GANC: variants seen among roughly 807,000 people sequenced by gnomAD.
The protein encoded by GANC is glucosidase alpha, neutral C.
Under a neutral mutation model 124.2 loss-of-function variants are expected in GANC, and 117 were observed. That is an observed-to-expected ratio of 0.94 (90% CI 0.81 to 1.10). GANC has a LOEUF of 1.10. GANC is among the 50% of genes least tolerant of loss of function. GANC has a pLI of 0.00. For synonymous variants in GANC, 377 were observed against 376.8 expected (o/e 1.00, Z -0.01); for missense variants, 1,140 against 1,095.0 (o/e 1.04, Z -0.58).
At chr15:42,282,312 ACT>A (rs200654136) in intron 3 of GANC, among the ~76,000 whole-genome samples, 2,406 of 152,138 alleles carry the variant, frequency 0.016, 37 homozygotes, top group Middle Eastern at 0.027. Context: ...ACACAGTGAG[ACT>A]CTGTCTCAAA....
chr15:42,330,732 A>G, intron 15 of GANC, 60 bp downstream of exon 15: 3 of 963,228 alleles, frequency 3.1e-6, no homozygotes, highest in East Asian at 2.8e-5. Context: ...TTAACCATTT[A>G]TAGAATGTGA....
chr15:42,301,903 G>A (rs1274490248), intron 6 of GANC, among the ~76,000 whole-genome samples: 3 of 152,220 alleles, frequency 2.0e-5, no homozygotes, highest in Non-Finnish European at 4.4e-5. Context: ...GCACCTGGGG[G>A]AAGGGACAAC....
chr15:42,325,494 C>T, intron 11 of GANC, among the ~76,000 whole-genome samples: 1 of 152,148 alleles, frequency 6.6e-6, no homozygotes, highest in East Asian at 1.9e-4. Context: ...TTTCTCAAAT[C>T]TCCTTCCTAA....
At chr15:42,309,322 A>ATT (rs765692224) in intron 8 of GANC, among the ~76,000 whole-genome samples, 203 of 142,980 alleles carry the variant, frequency 1.4e-3, no homozygotes, top group African/African-American at 5.0e-3. Flanking sequence ...GTTGGACACA[A>ATT]TTTTTTTTTT....
At chr15:42,343,478 A>G (rs2052342419) in intron 19 of GANC, 1 of 253,016 alleles carries the variant, frequency 4.0e-6, no homozygotes, top group Non-Finnish European at 7.7e-6. Context: ...TGAGGTATCA[A>G]ACTCTGGGGG....
intron 15 of GANC, among the ~76,000 whole-genome samples, chr15:42,331,644 T>G (rs2141066074): frequency 6.6e-6 from 1 of 152,238 alleles, no homozygotes; most frequent in African/African-American, 2.4e-5. Flanking sequence ...TATTACAATC[T>G]CAGGCAAAGA....
chr15:42,300,791 G>C (rs2051937803), intron 6 of GANC, among the ~76,000 whole-genome samples: 1 of 152,150 alleles, frequency 6.6e-6, no homozygotes. Flanking sequence ...GGCTGAGGCA[G>C]GTGGATCACC....
rs60220273 is a variant in GANC, at chr15:42,295,639, G to GACACAC, written c.513-1928_513-1923dup. Among the ~76,000 whole-genome samples, 545 of 137,702 alleles carry GACACAC rather than the reference G, an allele frequency of 4.0e-3. 5 individuals carry two copies. Among genetic ancestry groups the GACACAC allele is most frequent in the African/African-American group, 0.012 (445 of 35,952 alleles). 90.3% of individuals were successfully genotyped at this position (137,702 alleles called of 152,430 possible). ...CAAGAAGAAAAAAAGCTTTATTATA[G>GACACAC]ACACACACACACACACACACACACA... On this transcript the variant is annotated intron_variant, in intron 5 of 23. Transcript: ENST00000318010.
At chr15:42,346,771 A>G (rs2141081362) in intron 20 of GANC, among the ~76,000 whole-genome samples, 1 of 152,282 alleles carries the variant, frequency 6.6e-6, no homozygotes, top group South Asian at 2.1e-4. Context: ...TGCATCAGTT[A>G]TGATGTTAAA....
rs113137220 is a variant in GANC at position 42,322,122 on chromosome 15, A to T, written c.1293+102A>T. On this transcript the variant is annotated intron_variant, in intron 11 of 23. Coordinates refer to ENST00000318010, the MANE Select transcript of GANC (RefSeq NM_198141.3). ...GTGGTGGAGAAACATCTGATAAAAA[A>T]TGGCTGTGAAAATAGTAGATTCAAA... is the stretch of plus-strand genomic sequence containing the variant. 2.6e-4 allele frequency: 235 copies of T among 909,616 alleles called. 3 individuals are homozygous for T. The African/African-American group carries it at 3.2e-3, about 12-fold the overall frequency. 56.3% of individuals were successfully genotyped at this position (909,616 alleles called of 1,614,324 possible). A position where few individuals can be genotyped will look rare whatever the true frequency, so the allele number is the denominator to read the frequency against.
At chr15:42,313,247 A>AAAC (rs1338814005) in intron 10 of GANC, among the ~76,000 whole-genome samples, 4 of 20,680 alleles carry the variant, frequency 1.9e-4, no homozygotes, top group African/African-American at 2.2e-4. Flanking sequence ...ATACAAAAAA[A>AAAC]TAAAATGGTT....
At chr15:42,323,746 G>T (rs775666776) in intron 11 of GANC, among the ~76,000 whole-genome samples, 12 of 152,054 alleles carry the variant, frequency 7.9e-5, no homozygotes, top group Non-Finnish European at 1.5e-4. Context: ...CAGGTGATCC[G>T]CCCACCTGAG....
intron 8 of GANC, among the ~76,000 whole-genome samples, chr15:42,309,977 C>T (rs1434425115): frequency 6.6e-6 from 1 of 152,072 alleles, no homozygotes; most frequent in Non-Finnish European, 1.5e-5. Context: ...CAAGATCGCA[C>T]CACTGCACTC....
rs2277533 is a variant in GANC at position 42,273,390 on chromosome 15, C to A, written c.-1092C>A. On this transcript the variant is annotated 5_prime_UTR_variant, in exon 1 of 24. Transcript: ENST00000318010. ...CAGGCAACACCTGAAGCCACGCAGC[C>A]GCCGCCATCTTCACAGCCGTGGAGT... The A allele has an allele frequency of 0.14, 229,281 of 1,613,876 alleles. 18,358 individuals carry two copies. The highest frequency in any genetic ancestry group is 0.29 in the East Asian group (13,129 of 44,854).
chr15:42,342,364 T>C (rs2052334142), intron 18 of GANC, among the ~76,000 whole-genome samples: 1 of 152,092 alleles, frequency 6.6e-6, no homozygotes, highest in East Asian at 1.9e-4. Flanking sequence ...ATGAGATCGC[T>C]TAAATTGAGG....
chr15:42,339,780 G>A lies in GANC; in HGVS notation c.1955G>A (p.Arg652Gln), dbSNP rs188658053. 179 of 1,614,086 alleles carry A rather than the reference G, an allele frequency of 1.1e-4. No homozygotes were observed. In the East Asian group the frequency reaches 1.2e-3, roughly 11 times the overall value. ...FRGHATMNTKRREPWLFGEEH... is the reference protein window; with the variant it reads ...FRGHATMNTKQREPWLFGEEH... ...GGCCATGCCACCATGAACACCAAGC[G>A]ACGAGAGCCCTGGCTCTTTGGGGAG... is the stretch of plus-strand genomic sequence containing the variant. The change falls in exon 17 of 24, where the codon CGA becomes CAA. Residue 652 changes from arginine (R) to glutamine (Q), a missense_variant. By Grantham distance (43) the Arg-to-Gln change is conservative. Coordinates refer to ENST00000318010, the MANE Select transcript of GANC (RefSeq NM_198141.3).
At position 42,319,346 on chromosome 15, in the gene GANC, T is replaced by TAAGTC. The variant is rs3986284; in HGVS notation, c.1058-2439_1058-2438insAAGTC. Among the ~76,000 whole-genome samples, 20 of 150,858 alleles carry TAAGTC rather than the reference T, an allele frequency of 1.3e-4. No homozygotes were observed. The East Asian group carries it at 3.7e-3, about 28-fold the overall frequency. On this transcript the variant is annotated intron_variant, in intron 10 of 23. Coordinates refer to ENST00000318010, the MANE Select transcript of GANC (RefSeq NM_198141.3). ...ATAATTTCAAGTCTGATGAGCCTCT[T>TAAGTC]TTTTGTTTTTTTGTTTTTAAACAAA... is the stretch of plus-strand genomic sequence containing the variant.
At chr15:42,283,137 T>TA (rs1271718588) in intron 3 of GANC, among the ~76,000 whole-genome samples, 1 of 152,208 alleles carries the variant, frequency 6.6e-6, no homozygotes, top group African/African-American at 2.4e-5. Context: ...AGGACATAGA[T>TA]CTGTTCCAAA....
At chr15:42,348,757 C>G (rs879655054) in intron 21 of GANC, among the ~76,000 whole-genome samples, 5 of 152,194 alleles carry the variant, frequency 3.3e-5, no homozygotes, top group Admixed American at 6.5e-5. Flanking sequence ...GGGCCAAACA[C>G]CAACCCTTAC....
Sources: gnomAD v4.1 joint callset for allele counts (sites outside exome capture counted in the v4.1 genomes callset) on GRCh38, gnomAD v4.1.1 for gene constraint, MANE v1.5 for transcripts, NCBI Gene and HGNC (gene_info 2026-07-23, HGNC 2026-07-21) for gene names.